Variants in PDZRN3 observed in about 807,000 individuals in gnomAD.
The protein encoded by PDZRN3 is PDZ domain containing ring finger 3, also known as E3 ubiquitin-protein ligase PDZRN3.
PDZRN3 carries 38 observed loss-of-function variants against 85.7 expected under a neutral mutation model. The ratio of observed to expected loss-of-function variants is 0.44; its 90% CI spans 0.34 to 0.58. The LOEUF is 0.58. Among genes scored for constraint, PDZRN3 ranks in the 20% least tolerant of loss-of-function variants. PDZRN3 has a pLI of 0.01. For synonymous variants in PDZRN3, 759 were observed against 638.0 expected (o/e 1.19, Z -2.86); for missense variants, 1,629 against 1,506.4 (o/e 1.08, Z -1.35).
intron 3 of PDZRN3, among the ~76,000 whole-genome samples, chr3:73,575,633 A>G (rs1702112195): frequency 6.6e-6 from 1 of 152,240 alleles, no homozygotes; most frequent in African/African-American, 2.4e-5. Context: ...AAAGTTCAGA[A>G]GAAGAAAGAG....
intron 3 of PDZRN3, among the ~76,000 whole-genome samples, chr3:73,495,099 T>C (rs1173865258): frequency 6.6e-6 from 1 of 152,170 alleles, no homozygotes; most frequent in Non-Finnish European, 1.5e-5. Context: ...GGATCAAGCA[T>C]ACCCCAAACC....
intron 3 of PDZRN3, among the ~76,000 whole-genome samples, chr3:73,566,542 A>G (rs1326148737): frequency 6.6e-6 from 1 of 152,216 alleles, no homozygotes; most frequent in Non-Finnish European, 1.5e-5. Context: ...GGGTTCCAGT[A>G]GGATGAATCT....
chr3:73,445,022 G>A (rs1304072790), intron 3 of PDZRN3, among the ~76,000 whole-genome samples: 1 of 152,208 alleles, frequency 6.6e-6, no homozygotes, highest in Non-Finnish European at 1.5e-5. Context: ...AGAGGCCTGT[G>A]ACTGGCGTGT....
chr3:73,499,446 C>T (rs1362186623), intron 3 of PDZRN3, among the ~76,000 whole-genome samples: 1 of 152,178 alleles, frequency 6.6e-6, no homozygotes, highest in African/African-American at 2.4e-5. Flanking sequence ...ACCTGACTCA[C>T]AGTCATCTCT....
intron 3 of PDZRN3, chr3:73,404,640 G>A (rs890912694): frequency 4.4e-5 from 20 of 457,764 alleles, no homozygotes; most frequent in Non-Finnish European, 6.2e-5. Context: ...TAGCTTCCCC[G>A]TGGAATGTCT....
chr3:73,624,046 G>A, intron 1 of PDZRN3, 57 bp downstream of exon 1: 2 of 1,380,272 alleles, frequency 1.4e-6, no homozygotes, highest in Non-Finnish European at 1.9e-6. Context: ...GGATGGGGCG[G>A]GGCCCTGGGT....
chr3:73,511,965 G>A (rs1056095752), intron 3 of PDZRN3, among the ~76,000 whole-genome samples: 34 of 152,222 alleles, frequency 2.2e-4, no homozygotes, highest in African/African-American at 8.0e-4. Context: ...TGATTGGTAC[G>A]AATGTGTTTA....
intron 3 of PDZRN3, among the ~76,000 whole-genome samples, chr3:73,561,913 ATTT>A (rs769545083): frequency 1.5e-5 from 2 of 136,614 alleles, no homozygotes; most frequent in Admixed American, 7.4e-5. Flanking sequence ...AACCCAAGTC[ATTT>A]TTTTTTTTTT....
At chr3:73,572,486 G>A (rs747440644) in intron 3 of PDZRN3, among the ~76,000 whole-genome samples, 13 of 152,038 alleles carry the variant, frequency 8.6e-5, no homozygotes, top group Admixed American at 2.0e-4. Flanking sequence ...CTCTACCCTG[G>A]GCCTTAAAAC....
chr3:73,548,635 T>C (rs888268710), intron 3 of PDZRN3, among the ~76,000 whole-genome samples: 1 of 152,220 alleles, frequency 6.6e-6, no homozygotes, highest in East Asian at 1.9e-4. Flanking sequence ...ATTAAGCTAA[T>C]GAATTATGAG....
chr3:73,552,225 A>AGTGTGTGTGTGTGT (rs55784793), intron 3 of PDZRN3, among the ~76,000 whole-genome samples: 3 of 147,754 alleles, frequency 2.0e-5, no homozygotes, highest in African/African-American at 5.0e-5. Context: ...GAATTAAAGG[A>AGTGTGTGTGTGTGT]GTGTGTGTGT....
At chr3:73,559,129 G>A (rs1156839801) in intron 3 of PDZRN3, among the ~76,000 whole-genome samples, 2 of 149,380 alleles carry the variant, frequency 1.3e-5, no homozygotes, top group Non-Finnish European at 2.9e-5. Context: ...GTGGGATGGC[G>A]GGGGTTGTCA....
chr3:73,514,336 G>A (rs1314505784), intron 3 of PDZRN3, among the ~76,000 whole-genome samples: 1 of 152,142 alleles, frequency 6.6e-6, no homozygotes, highest in Non-Finnish European at 1.5e-5. Context: ...TTACGCAAAT[G>A]GACTATAATG....
chr3:73,514,408 G>C (rs547344338), intron 3 of PDZRN3, among the ~76,000 whole-genome samples: 180 of 152,296 alleles, frequency 1.2e-3, no homozygotes, highest in Middle Eastern at 6.8e-3. Flanking sequence ...GTTGAGAAAA[G>C]TTAATGATAA....
At chr3:73,547,608 C>T (rs778229605) in intron 3 of PDZRN3, among the ~76,000 whole-genome samples, 29 of 152,234 alleles carry the variant, frequency 1.9e-4, no homozygotes, top group Non-Finnish European at 3.5e-4. Context: ...AGAGAAGAGG[C>T]TCAGCTGGAA....
intron 3 of PDZRN3, among the ~76,000 whole-genome samples, chr3:73,458,988 T>A (rs1201966717): frequency 8.1e-6 from 1 of 123,550 alleles, no homozygotes; most frequent in Non-Finnish European, 1.7e-5. Flanking sequence ...CAAAACTCCA[T>A]CTCAAACAAA....
At chr3:73,587,962 ATTTC>A (rs2106875797) in intron 3 of PDZRN3, among the ~76,000 whole-genome samples, 1 of 152,304 alleles carries the variant, frequency 6.6e-6, no homozygotes, top group East Asian at 1.9e-4. Flanking sequence ...AAAAAAATTT[ATTTC>A]TTCTAAAAAC....
At chr3:73,593,807 T>C (rs555314848) in intron 3 of PDZRN3, 2 of 151,010 alleles carry the variant, frequency 1.3e-5, no homozygotes, top group African/African-American at 2.4e-5. Flanking sequence ...TTCCCCATAA[T>C]CCCATCAAAC....
chr3:73,478,179 C>T (rs1703495457), intron 3 of PDZRN3, among the ~76,000 whole-genome samples: 1 of 152,142 alleles, frequency 6.6e-6, no homozygotes, highest in Non-Finnish European at 1.5e-5. Flanking sequence ...GGGTTTCCAA[C>T]CCCAGGACTG....
Sources: gnomAD v4.1 joint callset for allele counts (sites outside exome capture counted in the v4.1 genomes callset) on GRCh38, gnomAD v4.1.1 for gene constraint, MANE v1.5 for transcripts, NCBI Gene and HGNC (gene_info 2026-07-23, HGNC 2026-07-21) for gene names.